The following PDE3A variants were observed in gnomAD, a reference collection of about 807,000 sequenced individuals.
The protein encoded by PDE3A is phosphodiesterase 3A.
PDE3A carries 43 observed loss-of-function variants against 98.3 expected under a neutral mutation model. The observed-to-expected ratio is 0.44, with a 90% CI of 0.34 to 0.56. The LOEUF is 0.56. Ranked by LOEUF, PDE3A falls within the 20% of genes least tolerant of loss-of-function variation. The pLI is 0.01. For missense variants in PDE3A, 1,427 were observed against 1,440.7 expected (o/e 0.99, Z 0.15); for synonymous variants, 663 against 567.9 (o/e 1.17, Z -2.38).
At chr12:20,616,420 G>A (rs1273592662) in intron 4 of PDE3A, 36 bp downstream of exon 4, 1 of 1,584,736 alleles carries the variant, frequency 6.3e-7, no homozygotes, top group South Asian at 1.1e-5. Context: ...ATGTCTCTTA[G>A]AGAAGTTACT....
Position 20,428,916 on chromosome 12 carries a change from G to A in PDE3A, c.960+58672G>A, listed in dbSNP as rs115106565. The stretch of plus-strand genomic sequence containing the variant: ...CTTTTGACAAGATCCATCAAAAACT[G>A]TGATAGGTTACCAACATATATGTAG... On this transcript the variant is annotated intron_variant, in intron 1 of 15. Coordinates refer to ENST00000359062, the MANE Select transcript of PDE3A (RefSeq NM_000921.5). Among the ~76,000 whole-genome samples the A allele has an allele frequency of 6.4e-3, 974 of 152,300 alleles. 6 individuals are homozygous for A. The highest frequency in any genetic ancestry group is 0.022 in the African/African-American group (934 of 41,584).
chr12:20,639,561 A>T (rs1944599994), intron 9 of PDE3A, among the ~76,000 whole-genome samples: 1 of 152,114 alleles, frequency 6.6e-6, no homozygotes, highest in Non-Finnish European at 1.5e-5. Context: ...GAAATGAATT[A>T]ATGTGAACAT....
At position 20,687,134 on chromosome 12, in the gene PDE3A, G is replaced by A. The variant is rs1263889219; in HGVS notation, c.*6863G>A. On this transcript the variant is annotated 3_prime_UTR_variant, in exon 16 of 16. Transcript: ENST00000359062. The stretch of plus-strand genomic sequence containing the variant: ...CCTAAAAAAGGCAAAATACTCAGAT[G>A]TTCAATGTGAAATTACAAATAGTTG... Among the ~76,000 whole-genome samples the A allele has an allele frequency of 1.3e-5, 2 of 152,066 alleles. No homozygotes were observed. Among genetic ancestry groups the A allele is most frequent in the Non-Finnish European group, 2.9e-5 (2 of 67,982 alleles).
chr12:20,629,999 A>G lies in PDE3A; in HGVS notation c.1632A>G (p.Ala544=). The G allele has an allele frequency of 6.2e-7, 1 of 1,613,984 alleles. No individual in the cohort carries two copies. Among genetic ancestry groups the G allele is most frequent in the Middle Eastern group, 1.7e-4 (1 of 6,060 alleles). The change falls in exon 6 of 16, where the codon GCA becomes GCG. Residue 544 remains alanine, a synonymous_variant. Transcript: ENST00000359062. ...GCAGCCTGGTCAGCAAAATTTCTGC[A>G]GTGCAGTTTCCAGAATCTGCTGACA... ...PASSLVSKIS[A]VQFPESADTT...
intron 1 of PDE3A, among the ~76,000 whole-genome samples, chr12:20,514,751 C>T (rs1331978270): frequency 6.6e-6 from 1 of 152,142 alleles, no homozygotes; most frequent in Admixed American, 6.5e-5. Flanking sequence ...ATAGAAAGCA[C>T]ATGGTTTTTG....
At chr12:20,589,116 G>T (rs1013904950) in intron 2 of PDE3A, among the ~76,000 whole-genome samples, 5 of 151,820 alleles carry the variant, frequency 3.3e-5, no homozygotes, top group African/African-American at 1.2e-4. Context: ...AGTAGAGATG[G>T]GGTTTCACCG....
intron 1 of PDE3A, among the ~76,000 whole-genome samples, chr12:20,484,581 A>G (rs921282059): frequency 6.6e-6 from 1 of 152,214 alleles, no homozygotes; most frequent in African/African-American, 2.4e-5. Context: ...AATGAGCTCC[A>G]TTAGGTTTAA....
intron 15 of PDE3A, among the ~76,000 whole-genome samples, chr12:20,669,642 C>T (rs924633854): frequency 1.3e-5 from 2 of 151,760 alleles, no homozygotes; most frequent in Admixed American, 6.6e-5. Context: ...TACAGACAAG[C>T]AAATGCTGAG....
At chr12:20,529,666 G>GGAGAGGCAAGGATTCTTCTCTTACA (rs1946589305) in intron 1 of PDE3A, among the ~76,000 whole-genome samples, 1 of 152,002 alleles carries the variant, frequency 6.6e-6, no homozygotes, top group African/African-American at 2.4e-5. Flanking sequence ...CAGAAGCCAG[G>GGAGAGGCAAGGATTCTTCTCTTACA]GAGAGGCAAG....
chr12:20,643,281 C>T (rs1229445672), intron 10 of PDE3A, among the ~76,000 whole-genome samples: 1 of 152,124 alleles, frequency 6.6e-6, no homozygotes. Context: ...CAGTTGCCTA[C>T]CCTGGCCAGA....
At chr12:20,396,115 T>C (rs1173281592) in intron 1 of PDE3A, among the ~76,000 whole-genome samples, 1 of 152,168 alleles carries the variant, frequency 6.6e-6, no homozygotes, top group Admixed American at 6.6e-5. Context: ...CATACATTCC[T>C]TTTGTAATTT....
intron 7 of PDE3A, among the ~76,000 whole-genome samples, chr12:20,634,439 T>A (rs1293143088): frequency 1.3e-5 from 2 of 151,950 alleles, no homozygotes; most frequent in African/African-American, 4.8e-5. Context: ...TTCCAAGAAA[T>A]AGGATTGGAT....
intron 1 of PDE3A, among the ~76,000 whole-genome samples, chr12:20,439,014 C>T (rs1191897402): frequency 6.6e-6 from 1 of 152,058 alleles, no homozygotes; most frequent in Non-Finnish European, 1.5e-5. Context: ...AGGGTGGTCT[C>T]AAACTCCTGA....
intron 1 of PDE3A, among the ~76,000 whole-genome samples, chr12:20,403,932 T>C (rs1944180487): frequency 6.6e-6 from 1 of 152,054 alleles, no homozygotes; most frequent in African/African-American, 2.4e-5. Context: ...TTCTGAAAAT[T>C]TTCAAACTCT....
intron 10 of PDE3A, 77 bp downstream of exon 10, chr12:20,640,034 T>C (rs1229301937): frequency 1.4e-6 from 1 of 697,280 alleles, no homozygotes; most frequent in Non-Finnish European, 2.6e-6. Context: ...TAGTGAATCA[T>C]TAGCAGGTAG....
At chr12:20,421,404 A>G (rs1944509097) in intron 1 of PDE3A, among the ~76,000 whole-genome samples, 2 of 152,154 alleles carry the variant, frequency 1.3e-5, no homozygotes, top group Non-Finnish European at 2.9e-5. Flanking sequence ...ATCTGTGTTC[A>G]CACCAGATAA....
Position 20,431,535 on chromosome 12 carries a change from C to T in PDE3A, c.960+61291C>T, listed in dbSNP as rs1317700720. 8.6e-5 allele frequency among the ~76,000 whole-genome samples: 13 copies of T among 151,584 alleles called. No individual in the cohort carries two copies. The South Asian group carries it at 2.5e-3, about 29-fold the overall frequency. Reference sequence around the variant, plus strand: ...AGTTATTGTCAGGATTAAATTCAATCGAAAGAATTAAGTGTTAGGAAACTG... The same window carrying T: ...AGTTATTGTCAGGATTAAATTCAATTGAAAGAATTAAGTGTTAGGAAACTG... On this transcript the variant is annotated intron_variant, in intron 1 of 15. Coordinates refer to ENST00000359062, the MANE Select transcript of PDE3A (RefSeq NM_000921.5).
intron 2 of PDE3A, among the ~76,000 whole-genome samples, chr12:20,601,111 T>C (rs1943580548): frequency 6.6e-6 from 1 of 152,154 alleles, no homozygotes; most frequent in Non-Finnish European, 1.5e-5. Context: ...CCATCACATA[T>C]AGACATACCA....
chr12:20,545,999 G>A (rs1030956859), intron 1 of PDE3A, among the ~76,000 whole-genome samples: 1 of 151,970 alleles, frequency 6.6e-6, no homozygotes, highest in Non-Finnish European at 1.5e-5. Flanking sequence ...TGATGAAGTA[G>A]CTGTAATAGA....
Sources: gnomAD v4.1 joint callset for allele counts (sites outside exome capture counted in the v4.1 genomes callset) on GRCh38, gnomAD v4.1.1 for gene constraint, MANE v1.5 for transcripts, NCBI Gene and HGNC (gene_info 2026-07-23, HGNC 2026-07-21) for gene names.